Variants in SSUH2 observed in about 807,000 individuals in gnomAD.
SSUH2 encodes protein SSUH2 homolog.
A neutral mutation model predicts 55.3 loss-of-function variants in SSUH2; 47 were observed. That is an observed-to-expected ratio of 0.85 (90% CI 0.67 to 1.08). SSUH2 has a LOEUF of 1.08. Ranked by LOEUF, SSUH2 falls within the 50% of genes least tolerant of loss-of-function variation. The pLI is 0.00. For missense variants in SSUH2, 535 were observed against 490.7 expected (o/e 1.09, Z -0.85); for synonymous variants, 212 against 191.5 (o/e 1.11, Z -0.89).
At chr3:8,651,150 T>TAA (rs1156516156) in intron 7 of SSUH2, among the ~76,000 whole-genome samples, 1 of 152,256 alleles carries the variant, frequency 6.6e-6, no homozygotes, top group Non-Finnish European at 1.5e-5. Context: ...ACTGAAATTT[T>TAA]CAAACACAAA....
upstream of SSUH2, among the ~76,000 whole-genome samples, chr3:8,645,891 G>A (rs1411202734): frequency 6.6e-6 from 1 of 152,182 alleles, no homozygotes; most frequent in East Asian, 1.9e-4. Context: ...GCATGCAAGT[G>A]CAACCTTCAG....
At chr3:8,635,232 T>G in intron 3 of SSUH2, 68 bp downstream of exon 3, 647 of 1,340,988 alleles carry the variant, frequency 4.8e-4, no homozygotes, top group Non-Finnish European at 6.0e-4. Context: ...CTGCCAGGGC[T>G]GAGATCCTCA....
In SSUH2 at chr3:8,623,553, T is replaced by C; in HGVS notation, c.977A>G (p.Gln326Arg). ...GGCCCCTCCGCCCTGGCTCACCTGC[T>C]GCAGGACGCGGGCACGGGAGGCCAA... is the stretch of plus-strand genomic sequence containing the variant. ...AALASRARVL[Q>R]QRQTIELIPL... Residue 326 changes from glutamine (Q) to arginine (R), a missense_variant, in exon 11 of 12, where the codon CAG becomes CGG. Gln to Arg is a conservative substitution (Grantham distance 43). Transcript: ENST00000544814. 1 of 1,546,482 alleles carries C rather than the reference T, an allele frequency of 6.5e-7. No homozygotes were observed. The highest frequency in any genetic ancestry group is 8.8e-7 in the Non-Finnish European group (1 of 1,142,486).
intron 5 of SSUH2, among the ~76,000 whole-genome samples, chr3:8,670,260 C>A (rs1704406011): frequency 2.0e-5 from 3 of 152,082 alleles, no homozygotes; most frequent in Admixed American, 1.3e-4. Flanking sequence ...ACCAGCCTTT[C>A]ACCTCTGCCG....
At chr3:8,634,721 A>G (rs1390736271) in intron 3 of SSUH2, 10 of 500,934 alleles carry the variant, frequency 2.0e-5, no homozygotes, top group African/African-American at 1.6e-4. Context: ...AGCCCCCGGG[A>G]GAAGCCTCTC....
chr3:8,633,910 G>A (rs751341440), intron 3 of SSUH2, 115 bp from the exon 4 acceptor site: 14 of 1,613,880 alleles, frequency 8.7e-6, no homozygotes, highest in Non-Finnish European at 1.1e-5. Context: ...TAGTGGTAAA[G>A]CCCTCAGCAG....
chr3:8,619,850 G>T lies in SSUH2; in HGVS notation c.*18C>A. 2 of 1,611,100 alleles carry T rather than the reference G, an allele frequency of 1.2e-6. No individual in the cohort carries two copies. Among genetic ancestry groups the T allele is most frequent in the Non-Finnish European group, 1.7e-6 (2 of 1,178,672 alleles). ...TTGGCAAACGTGAATGGCAGGCTCT[G>T]GGGACAGCCATGCTATGTCACACGA... On this transcript the variant is annotated 3_prime_UTR_variant, in exon 12 of 12. Coordinates refer to ENST00000544814, the MANE Select transcript of SSUH2 (RefSeq NM_001256748.3).
intron 7 of SSUH2, among the ~76,000 whole-genome samples, chr3:8,656,594 A>G (rs763136902): frequency 6.6e-6 from 1 of 152,194 alleles, no homozygotes; most frequent in Non-Finnish European, 1.5e-5. Flanking sequence ...AGCGAGGAAG[A>G]CACAACCCCT....
chr3:8,669,743 A>C (rs1217691076), intron 5 of SSUH2, among the ~76,000 whole-genome samples: 2 of 152,194 alleles, frequency 1.3e-5, no homozygotes, highest in African/African-American at 4.8e-5. Flanking sequence ...CAATCTATCA[A>C]AGCATGAGAA....
chr3:8,639,626 G>A (rs116378464), intron 1 of SSUH2, among the ~76,000 whole-genome samples: 2,139 of 152,300 alleles, frequency 0.014, 52 homozygotes, highest in African/African-American at 0.044. Flanking sequence ...TTTCCTTGTG[G>A]AGAAAGGCAT....
At chr3:8,634,523 C>T (rs1007706216) in intron 3 of SSUH2, 2 of 1,289,646 alleles carry the variant, frequency 1.6e-6, no homozygotes, top group African/African-American at 3.0e-5. Flanking sequence ...CTTGTATCTC[C>T]AGCATCCTCC....
Position 8,623,607 on chromosome 3 carries a change from T to C in SSUH2, c.923A>G (p.Gln308Arg). ...AGCGCTGTGCTCTGCAATGCCCCTC[T>C]GGGAGGCAAGAGAGATGTCTCGCAG... Reference protein sequence around the residue: ...FPLRDISLASQRGIAEHSAAL... With the variant: ...FPLRDISLASRRGIAEHSAAL... Residue 308 changes from glutamine (Q) to arginine (R), a missense_variant, in exon 11 of 12, where the codon CAG becomes CGG. By Grantham distance (43) the Gln-to-Arg change is conservative (BLOSUM62 1). Coordinates refer to ENST00000544814, the MANE Select transcript of SSUH2 (RefSeq NM_001256748.3). The C allele has an allele frequency of 6.5e-7, 1 of 1,547,256 alleles. No homozygotes were observed. Among genetic ancestry groups the C allele is most frequent in the Non-Finnish European group, 8.7e-7 (1 of 1,143,612 alleles).
intron 2 of SSUH2, among the ~76,000 whole-genome samples, chr3:8,679,255 T>TC (rs1335946246): frequency 1.6e-5 from 1 of 63,912 alleles, no homozygotes. Context: ...CAGCCAATTT[T>TC]CCCCCTGGCT....
At chr3:8,626,541 C>G (rs1204924639) in intron 8 of SSUH2, among the ~76,000 whole-genome samples, 2 of 137,470 alleles carry the variant, frequency 1.5e-5, no homozygotes, top group Non-Finnish European at 3.2e-5. Context: ...GGGCCTGCCC[C>G]CCCCCCTCCC....
At chr3:8,660,397 A>G (rs967525277) in intron 6 of SSUH2, among the ~76,000 whole-genome samples, 1 of 152,186 alleles carries the variant, frequency 6.6e-6, no homozygotes, top group Non-Finnish European at 1.5e-5. Flanking sequence ...ATATGCATTC[A>G]TTCACTCCAA....
At chr3:8,649,709 G>A (rs1575270524), upstream of SSUH2, among the ~76,000 whole-genome samples, 1 of 151,956 alleles carries the variant, frequency 6.6e-6, no homozygotes, top group Non-Finnish European at 1.5e-5. Context: ...ACTCGTGCCT[G>A]AGCCCCCTGC....
chr3:8,677,027 G>C (rs537100759), intron 3 of SSUH2, among the ~76,000 whole-genome samples: 2 of 148,376 alleles, frequency 1.3e-5, no homozygotes, highest in Admixed American at 6.7e-5. Context: ...CATCGCGGTG[G>C]GGGGAGGAAC....
intron 3 of SSUH2, chr3:8,634,133 G>C (rs1699465846): frequency 1.5e-6 from 1 of 687,476 alleles, no homozygotes; most frequent in Non-Finnish European, 2.4e-6. Flanking sequence ...GTCCAGAGAG[G>C]ATGTCGCACA....
intron 3 of SSUH2, among the ~76,000 whole-genome samples, chr3:8,676,786 G>C (rs116252667): frequency 2.0e-5 from 3 of 147,680 alleles, no homozygotes; most frequent in East Asian, 2.1e-4. Flanking sequence ...TCATCGCAGT[G>C]GGGGGAGGCA....
Sources: allele counts gnomAD v4.1 joint callset (sites outside exome capture counted in the v4.1 genomes callset), GRCh38; gene constraint gnomAD v4.1.1; transcripts MANE v1.5; gene names NCBI Gene and HGNC (gene_info 2026-07-23, HGNC 2026-07-21).